Variants in DAB1 observed in about 807,000 individuals in gnomAD.
DAB1 encodes the protein disabled homolog 1.
Under a neutral mutation model 64.6 loss-of-function variants are expected in DAB1, and 15 were observed. The ratio of observed to expected loss-of-function variants is 0.23; its 90% CI spans 0.16 to 0.36. The LOEUF is 0.36. Ranked by LOEUF, DAB1 falls within the 10% of genes least tolerant of loss-of-function variation. The probability of loss-of-function intolerance (pLI) is 1.00; values close to 1 mark genes in which losing one functional copy is unlikely to be tolerated. For missense variants in DAB1, 596 were observed against 706.7 expected (o/e 0.84, Z 1.78); for synonymous variants, 235 against 251.9 (o/e 0.93, Z 0.64).
intron 3 of DAB1, among the ~76,000 whole-genome samples, chr1:58,414,984 G>A (rs1644705373): frequency 1.3e-5 from 2 of 152,206 alleles, no homozygotes; most frequent in South Asian, 4.2e-4. Flanking sequence ...TTGGTATTAT[G>A]GACTGAATAG....
intron 6 of DAB1, among the ~76,000 whole-genome samples, chr1:57,775,124 A>C (rs1282693518): frequency 2.0e-5 from 3 of 151,470 alleles, no homozygotes; most frequent in African/African-American, 7.2e-5. Flanking sequence ...CTCTTTCCTT[A>C]TTAATATTGG....
intron 5 of DAB1, among the ~76,000 whole-genome samples, chr1:57,938,448 C>T (rs896738587): frequency 1.3e-5 from 2 of 152,056 alleles, no homozygotes; most frequent in African/African-American, 4.8e-5. Flanking sequence ...GGGCAGTTCC[C>T]CCCATGCTGT....
intron 5 of DAB1, among the ~76,000 whole-genome samples, chr1:58,049,628 T>TA (rs1647496993): frequency 6.6e-6 from 1 of 152,220 alleles, no homozygotes; most frequent in African/African-American, 2.4e-5. Context: ...GATCCAGACT[T>TA]AGATTTGACT....
intron 9 of DAB1, among the ~76,000 whole-genome samples, chr1:57,042,777 A>G (rs1276578590): frequency 6.6e-6 from 1 of 152,140 alleles, no homozygotes; most frequent in Admixed American, 6.6e-5. Context: ...TATGGAGGGT[A>G]TGGCATTCCA....
intron 2 of DAB1, among the ~76,000 whole-genome samples, chr1:57,190,246 G>A (rs946468946): frequency 6.6e-6 from 1 of 152,172 alleles, no homozygotes; most frequent in Non-Finnish European, 1.5e-5. Flanking sequence ...ACCATACTTT[G>A]AGAGCACTGC....
At position 57,984,184 on chromosome 1, in the gene DAB1, A is replaced by AAAAAG. The variant is rs1276859040; in HGVS notation, n.388-100023_388-100022insCTTTT. On this transcript the variant is annotated intron_variant and non_coding_transcript_variant, in intron 5 of 20. Coordinates refer to the DAB1 transcript ENST00000485760. ...TTCAGGGCCCAGGACTAGCTTAAAA[A>AAAAAG]AAAGAAAGAAAGAAAGAAAGAAAGA... is the stretch of plus-strand genomic sequence containing the variant. 1.7e-3 allele frequency among the ~76,000 whole-genome samples: 88 copies of AAAAAG among 50,718 alleles called. 10 individuals carry two copies. Among genetic ancestry groups the AAAAAG allele is most frequent in the South Asian group, 0.014 (20 of 1,390 alleles). 33.3% of individuals were successfully genotyped at this position (50,718 alleles called of 152,430 possible).
rs191736377 is a variant in DAB1 at position 58,420,242 on chromosome 1, C to A, written n.258-76839G>T. Among the ~76,000 whole-genome samples the A allele has an allele frequency of 2.0e-5, 3 of 152,296 alleles. 1 individual carries two copies. Among genetic ancestry groups the A allele is most frequent in the East Asian group, 3.9e-4 (2 of 5,176 alleles). ...TCCCATCTACCTTTCTTGCTAGGTT[C>A]TTTCCCTCTTAGCCACAGCCATCTT... is the stretch of plus-strand genomic sequence containing the variant. On this transcript the variant is annotated intron_variant and non_coding_transcript_variant, in intron 3 of 20. Transcript: ENST00000485760.
At chr1:57,234,591 C>T (rs1352840593) in intron 2 of DAB1, among the ~76,000 whole-genome samples, 1 of 152,016 alleles carries the variant, frequency 6.6e-6, no homozygotes, top group Non-Finnish European at 1.5e-5. Flanking sequence ...GCCATGTAAC[C>T]AGTCACCACA....
At chr1:58,502,527 A>G (rs1266398808) in intron 3 of DAB1, among the ~76,000 whole-genome samples, 1 of 152,200 alleles carries the variant, frequency 6.6e-6, no homozygotes, top group Non-Finnish European at 1.5e-5. Flanking sequence ...GGGGAACATA[A>G]CTTCACCATA....
chr1:57,719,703 C>A (rs1045119718), intron 6 of DAB1, among the ~76,000 whole-genome samples: 4 of 152,222 alleles, frequency 2.6e-5, no homozygotes, highest in African/African-American at 9.6e-5. Context: ...CACTATGTGG[C>A]CTCCCCAGCC....
At chr1:57,486,804 G>A (rs1423085743) in intron 7 of DAB1, among the ~76,000 whole-genome samples, 1 of 152,074 alleles carries the variant, frequency 6.6e-6, no homozygotes, top group Non-Finnish European at 1.5e-5. Flanking sequence ...ACAGAGGACA[G>A]AGGTGATAAA....
chr1:57,486,635 T>C (rs1419915350), intron 7 of DAB1, among the ~76,000 whole-genome samples: 1 of 152,188 alleles, frequency 6.6e-6, no homozygotes, highest in Non-Finnish European at 1.5e-5. Flanking sequence ...ATATGTTTTT[T>C]TAGTTTGCTT....
chr1:57,175,660 T>C (rs1662233394), intron 2 of DAB1, among the ~76,000 whole-genome samples: 2 of 152,156 alleles, frequency 1.3e-5, no homozygotes, highest in South Asian at 4.1e-4. Flanking sequence ...GGCTATAAAA[T>C]AGCATAACAA....
At chr1:57,154,802 G>A (rs146121169) in intron 2 of DAB1, among the ~76,000 whole-genome samples, 1 of 152,092 alleles carries the variant, frequency 6.6e-6, no homozygotes, top group Non-Finnish European at 1.5e-5. Flanking sequence ...CAATGACATT[G>A]AGCACCTTTT....
intron 6 of DAB1, among the ~76,000 whole-genome samples, chr1:57,657,975 C>T (rs1315802302): frequency 1.3e-5 from 2 of 152,176 alleles, no homozygotes; most frequent in Non-Finnish European, 2.9e-5. Context: ...CCTTCCTTTT[C>T]TTCAACAAAT....
chr1:57,627,537 T>C (rs1645937394), intron 7 of DAB1, among the ~76,000 whole-genome samples: 1 of 152,224 alleles, frequency 6.6e-6, no homozygotes, highest in Non-Finnish European at 1.5e-5. Context: ...TATGAAATGG[T>C]ACACTTGTTT....
At chr1:58,283,629 G>A (rs926611940) in intron 4 of DAB1, among the ~76,000 whole-genome samples, 6 of 152,176 alleles carry the variant, frequency 3.9e-5, no homozygotes, top group Non-Finnish European at 7.3e-5. Flanking sequence ...CTGAGCATCA[G>A]TTTCCTCGGC....
chr1:57,390,952 C>A (rs894441019), intron 1 of DAB1, among the ~76,000 whole-genome samples: 1 of 152,166 alleles, frequency 6.6e-6, no homozygotes, highest in Non-Finnish European at 1.5e-5. Flanking sequence ...CTTCTAACTT[C>A]TTGATCTAAA....
intron 7 of DAB1, among the ~76,000 whole-genome samples, chr1:57,503,024 A>G (rs1449330191): frequency 6.6e-6 from 1 of 152,202 alleles, no homozygotes; most frequent in Non-Finnish European, 1.5e-5. Flanking sequence ...GAGGAAACTA[A>G]GACTCAGAGA....
Sources: allele counts gnomAD v4.1 joint callset (sites outside exome capture counted in the v4.1 genomes callset), GRCh38; gene constraint gnomAD v4.1.1; transcripts MANE v1.5; gene names NCBI Gene and HGNC (gene_info 2026-07-23, HGNC 2026-07-21).